CLRN1: variants seen among roughly 807,000 people sequenced by gnomAD.
CLRN1 encodes clarin 1, also known as clarin-1.
In CLRN1, 15 loss-of-function variants were observed where a neutral mutation model predicts 18.7. That is an observed-to-expected ratio of 0.80 (90% confidence interval 0.54 to 1.23). CLRN1 has a LOEUF of 1.23. CLRN1 is among the 50% of genes most tolerant of loss of function. CLRN1 has a pLI of 0.00. For synonymous variants in CLRN1, 104 were observed against 102.9 expected (o/e 1.01, Z -0.07); for missense variants, 311 against 277.5 (o/e 1.12, Z -0.86).
At chr3:150,946,837 G>A (rs1341469162) in intron 1 of CLRN1, among the ~76,000 whole-genome samples, 1 of 150,074 alleles carries the variant, frequency 6.7e-6, no homozygotes, top group Non-Finnish European at 1.5e-5. Context: ...ATGCTGGTGC[G>A]CTGCACCCAC....
chr3:150,972,845 G>A (rs759564220), upstream of CLRN1: 17 of 1,204,546 alleles, frequency 1.4e-5, no homozygotes, highest in Admixed American at 3.9e-5. Context: ...CTTCACCATC[G>A]ACGGTTCTCG....
At chr3:150,950,026 A>T (rs80010607) in intron 1 of CLRN1, among the ~76,000 whole-genome samples, 9,443 of 152,150 alleles carry the variant, frequency 0.062, 729 homozygotes, top group East Asian at 0.3. Flanking sequence ...CAACCATCTG[A>T]TCTTCAACAA....
chr3:150,928,662 C>A (rs554453978), intron 2 of CLRN1, among the ~76,000 whole-genome samples: 1 of 152,318 alleles, frequency 6.6e-6, no homozygotes, highest in Non-Finnish European at 1.5e-5. Context: ...TTGTGAAAGG[C>A]CCCAGCCTCC....
chr3:150,926,461 G>A (rs1014360791), downstream of CLRN1: 1 of 363,666 alleles, frequency 2.7e-6, no homozygotes, highest in Non-Finnish European at 5.3e-6. Flanking sequence ...TTACAGAACC[G>A]GGCTCTAGCC....
intron 1 of CLRN1, among the ~76,000 whole-genome samples, chr3:150,961,889 A>C (rs908607744): frequency 5.9e-5 from 9 of 152,186 alleles, no homozygotes; most frequent in Admixed American, 1.3e-4. Flanking sequence ...CCAAGCTTCC[A>C]AAGGCTATGT....
chr3:150,941,445 A>C, intron 2 of CLRN1, 137 bp downstream of exon 2: 1 of 888,322 alleles, frequency 1.1e-6, no homozygotes, highest in Non-Finnish European at 1.8e-6. Flanking sequence ...GTATTTCCAC[A>C]CTTTTTGTTA....
chr3:150,955,086 A>T (rs1257942600), intron 1 of CLRN1, among the ~76,000 whole-genome samples: 1 of 152,246 alleles, frequency 6.6e-6, no homozygotes, highest in African/African-American at 2.4e-5. Flanking sequence ...GCTGCTACTC[A>T]CAATAACTCG....
At chr3:150,961,687 G>A (rs570147822) in intron 1 of CLRN1, among the ~76,000 whole-genome samples, 2 of 152,152 alleles carry the variant, frequency 1.3e-5, no homozygotes, top group Non-Finnish European at 2.9e-5. Context: ...TTGGTGCTCA[G>A]CTATTCATTT....
chr3:150,933,077 G>A (rs570145782), intron 2 of CLRN1, among the ~76,000 whole-genome samples: 16 of 152,148 alleles, frequency 1.1e-4, no homozygotes, highest in African/African-American at 2.4e-4. Context: ...ATTTATTTTC[G>A]GAAATATGTC....
chr3:150,958,511 G>T (rs1714863787), intron 1 of CLRN1, among the ~76,000 whole-genome samples: 1 of 152,126 alleles, frequency 6.6e-6, no homozygotes, highest in Non-Finnish European at 1.5e-5. Flanking sequence ...TCTGGTTCCT[G>T]CCTTCCTCTC....
intron 1 of CLRN1, among the ~76,000 whole-genome samples, chr3:150,966,122 C>A (rs1715246086): frequency 6.6e-6 from 1 of 152,142 alleles, no homozygotes; most frequent in Non-Finnish European, 1.5e-5. Flanking sequence ...CAGTTTGAGA[C>A]CTGCCTGGGC....
chr3:150,933,451 G>A (rs2107936193), intron 2 of CLRN1, among the ~76,000 whole-genome samples: 1 of 152,140 alleles, frequency 6.6e-6, no homozygotes, highest in Non-Finnish European at 1.5e-5. Flanking sequence ...GAGAAGTGAG[G>A]GAGTGAGAAG....
chr3:150,956,222 G>A (rs1169211722), intron 1 of CLRN1, among the ~76,000 whole-genome samples: 1 of 152,010 alleles, frequency 6.6e-6, no homozygotes. Flanking sequence ...TAACCTTTTT[G>A]GGTGAATTCC....
At chr3:150,934,887 C>T (rs1161817894) in intron 2 of CLRN1, among the ~76,000 whole-genome samples, 1 of 152,030 alleles carries the variant, frequency 6.6e-6, no homozygotes, top group Non-Finnish European at 1.5e-5. Context: ...TTTTCACCCC[C>T]TTTTCCCTAT....
chr3:150,941,416 C>T, intron 2 of CLRN1, 166 bp downstream of exon 2: 1 of 673,246 alleles, frequency 1.5e-6, no homozygotes, highest in Non-Finnish European at 2.6e-6. Flanking sequence ...ATTGAATTCC[C>T]TACTGTTGAG....
intron 2 of CLRN1, among the ~76,000 whole-genome samples, chr3:150,941,076 T>C (rs1194873320): frequency 6.6e-6 from 1 of 151,792 alleles, no homozygotes; most frequent in African/African-American, 2.4e-5. Flanking sequence ...AAGTCCCCCA[T>C]AGTGTCATGG....
At chr3:150,947,944 A>C (rs961609109) in intron 1 of CLRN1, among the ~76,000 whole-genome samples, 6 of 152,228 alleles carry the variant, frequency 3.9e-5, no homozygotes, top group Non-Finnish European at 7.3e-5. Flanking sequence ...CCACATCAAA[A>C]AGTTAGATCT....
intron 1 of CLRN1, among the ~76,000 whole-genome samples, chr3:150,969,652 G>C (rs948085682): frequency 7.2e-5 from 11 of 152,080 alleles, no homozygotes; most frequent in African/African-American, 2.7e-4. Context: ...TTATTGGCCA[G>C]TGCTGATATA....
chr3:150,933,240 C>G (rs1300119063), intron 2 of CLRN1, among the ~76,000 whole-genome samples: 1 of 152,062 alleles, frequency 6.6e-6, no homozygotes, highest in Non-Finnish European at 1.5e-5. Context: ...AGGTACAAAT[C>G]CTTTTCTTCA....
Sources: allele counts gnomAD v4.1 joint callset (sites outside exome capture counted in the v4.1 genomes callset), GRCh38; gene constraint gnomAD v4.1.1; transcripts MANE v1.5; gene names NCBI Gene and HGNC (gene_info 2026-07-23, HGNC 2026-07-21).